ANP32E: variants seen among roughly 807,000 people sequenced by gnomAD.
ANP32E encodes the protein acidic leucine-rich nuclear phosphoprotein 32 family member E.
ANP32E carries 14 observed loss-of-function variants against 35.3 expected under a neutral mutation model. The ratio of observed to expected loss-of-function variants is 0.40; its 90% CI spans 0.26 to 0.62. The LOEUF (loss-of-function observed/expected upper bound fraction) is 0.62. Ranked by LOEUF, ANP32E falls within the 20% of genes least tolerant of loss-of-function variation. The probability of loss-of-function intolerance (pLI) is 0.45; values close to 1 mark genes in which losing one functional copy is unlikely to be tolerated. For missense variants in ANP32E, 198 were observed against 304.4 expected (o/e 0.65, Z 2.60); for synonymous variants, 89 against 110.4 (o/e 0.81, Z 1.22).
At chr1:150,229,651 T>A (rs1489975923) in intron 3 of ANP32E, among the ~76,000 whole-genome samples, 1 of 152,248 alleles carries the variant, frequency 6.6e-6, no homozygotes, top group Non-Finnish European at 1.5e-5. Flanking sequence ...GCTAATTTTG[T>A]ATTTTTATTA....
At chr1:150,233,394 G>C (rs1183603022) in intron 1 of ANP32E, among the ~76,000 whole-genome samples, 1 of 151,038 alleles carries the variant, frequency 6.6e-6, no homozygotes, top group Non-Finnish European at 1.5e-5. Flanking sequence ...CCTTTATGAA[G>C]AAACGTTAGA....
At position 150,231,795 on chromosome 1, in the gene ANP32E, G is replaced by C. The variant is rs782233085; in HGVS notation, c.186C>G (p.Ser62Arg). The change falls in exon 2 of 7, where the codon AGC becomes AGG. Residue 62 changes from serine to arginine, a missense_variant. Coordinates refer to ENST00000583931, the MANE Select transcript of ANP32E (RefSeq NM_030920.5). ...VELSSLARLP[S>R]LNKLRKLELS... ...AACTTACTTTTCGAAGTTTATTTAA[G>C]CTGGGAAGCCGGGCCAGCGAACTTA... The C allele has an allele frequency of 1.2e-6, 2 of 1,602,344 alleles. No individual in the cohort carries two copies. Among genetic ancestry groups the C allele is most frequent in the Non-Finnish European group, 1.7e-6 (2 of 1,177,344 alleles).
chr1:150,232,260 C>T (rs1367847683), intron 1 of ANP32E, among the ~76,000 whole-genome samples: 1 of 140,476 alleles, frequency 7.1e-6, no homozygotes, highest in Non-Finnish European at 1.5e-5. Context: ...AGGAGAATGG[C>T]GTGAACCCGG....
chr1:150,225,665 T>TAAAAAA (rs1553839622), intron 5 of ANP32E, among the ~76,000 whole-genome samples: 1 of 83,536 alleles, frequency 1.2e-5, no homozygotes, highest in Non-Finnish European at 2.1e-5. Flanking sequence ...AGTGAGACTG[T>TAAAAAA]AACAAAAAAA....
chr1:150,222,571 T>C (rs1446621220), intron 6 of ANP32E, among the ~76,000 whole-genome samples: 4 of 151,088 alleles, frequency 2.6e-5, no homozygotes, highest in African/African-American at 9.7e-5. Context: ...CTGGGCAATA[T>C]GGCGAAACCC....
Position 150,229,154 on chromosome 1 carries a change from T to G in ANP32E, c.411A>C (p.Glu137Asp), listed in dbSNP as rs1383186312. Residue 137 changes from glutamate to aspartate, a missense_variant, in exon 4 of 7, where the codon GAA becomes GAC. This residue lies in a region of ANP32E where 31 missense variants were observed against 62.6 expected (regional missense o/e 0.50). Transcript: ENST00000583931. ...CTAAGTATGTGATTTGCTGCAGTAG[T>G]TCAAAAATACTTTCTCTATAATCTT... ...NLEDYRESIF[E>D]LLQQITYLDG... The G allele has an allele frequency of 7.4e-6, 12 of 1,613,312 alleles. No individual in the cohort carries two copies. The highest frequency in any genetic ancestry group is 1.0e-5 in the Non-Finnish European group (12 of 1,179,388).
rs371680785 is a variant in ANP32E at position 150,223,812 on chromosome 1, C to A, written c.682-572G>T. 2.9e-4 allele frequency among the ~76,000 whole-genome samples: 42 copies of A among 145,986 alleles called. 1 individual carries two copies. The East Asian group carries it at 3.5e-3, about 12-fold the overall frequency. ...CCAGGCTGAAGTGCAATGGCGTGAT[C>A]TCGGCTCACCGCAAACTCCGCCTCC... On this transcript the variant is annotated intron_variant, in intron 5 of 6. Transcript: ENST00000583931.
At position 150,227,816 on chromosome 1, in the gene ANP32E, A is replaced by C. The variant is rs1266134815; in HGVS notation, c.494-1021T>G. Reference sequence around the variant, plus strand: ...CATCAAATTTCTTTTTACGATGAAGAAGTTTTCACTCAATAATAATGAGCA... The same window carrying C: ...CATCAAATTTCTTTTTACGATGAAGCAGTTTTCACTCAATAATAATGAGCA... On this transcript the variant is annotated intron_variant, in intron 4 of 6. Coordinates refer to ENST00000583931, the MANE Select transcript of ANP32E (RefSeq NM_030920.5). Among the ~76,000 whole-genome samples the C allele has an allele frequency of 2.9e-5, 3 of 104,504 alleles. 1 individual carries two copies. The highest frequency in any genetic ancestry group is 6.7e-5 in the Non-Finnish European group (3 of 44,954). The allele number at this position is 104,504 out of a possible 152,430, so 68.6% of individuals were successfully genotyped here.
In ANP32E at chr1:150,235,758, T is replaced by G; in HGVS notation, c.29A>C (p.Glu10Ala). MEMKKKINL[E>A]LRNRSPEEVT... ...CTCCTCCGGGGATCTGTTCCTTAACTCCAGGTTAATCTTCTTCTTCATCTC... is the reference window on the plus strand; with the variant it reads ...CTCCTCCGGGGATCTGTTCCTTAACGCCAGGTTAATCTTCTTCTTCATCTC... Residue 10 changes from glutamate (E) to alanine (A), a missense_variant, in exon 1 of 7, where the codon GAG becomes GCG. Around this residue, in one of 4 missense-constraint regions of ANP32E, gnomAD observed 35 missense variants for 47.6 expected, o/e 0.74. Coordinates refer to ENST00000583931, the MANE Select transcript of ANP32E (RefSeq NM_030920.5). This position sits in a 1 kb window ranked among gnomAD's most constrained non-coding sequence, Gnocchi z 4.2. 6.2e-7 allele frequency: 1 copy of G among 1,610,678 alleles called. No individual in the cohort carries two copies. The highest frequency in any genetic ancestry group is 8.5e-7 in the Non-Finnish European group (1 of 1,178,340).
Position 150,236,038 on chromosome 1 carries a change from GC to G in ANP32E, c.-253del. 5.7e-6 allele frequency: 3 copies of G among 528,140 alleles called. No individual in the cohort carries two copies. The South Asian group carries it at 6.3e-5, about 11-fold the overall frequency. 32.7% of individuals were successfully genotyped at this position (528,140 alleles called of 1,614,324 possible). On this transcript the variant is annotated 5_prime_UTR_variant, in exon 1 of 7. It introduces an in-frame stop codon into an upstream open reading frame of the 5' UTR. Transcript: ENST00000583931. ...AGCGCGCGCACACACACGCACGCAC[GC>G]GCGCACACACATACACACACACATA...
chr1:150,224,987 C>T (rs1648749815), intron 5 of ANP32E, among the ~76,000 whole-genome samples: 1 of 152,134 alleles, frequency 6.6e-6, no homozygotes, highest in Non-Finnish European at 1.5e-5. Flanking sequence ...TTAAGGAGCT[C>T]ACCACTTAGC....
At chr1:150,230,116 C>T (rs1053625228) in intron 3 of ANP32E, among the ~76,000 whole-genome samples, 4 of 152,048 alleles carry the variant, frequency 2.6e-5, no homozygotes, top group Admixed American at 6.6e-5. Context: ...TGGACTCAAG[C>T]GATCCTCCCA....
chr1:150,231,672 TAAA>T, intron 2 of ANP32E, 102 bp downstream of exon 2: 1 of 1,056,238 alleles, frequency 9.5e-7, no homozygotes, highest in Non-Finnish European at 1.2e-6. Context: ...TCTAGAAACT[TAAA>T]AACTTCTAAT....
chr1:150,222,353 A>G (rs1553838371), intron 6 of ANP32E, among the ~76,000 whole-genome samples: 1 of 151,526 alleles, frequency 6.6e-6, no homozygotes, highest in East Asian at 1.9e-4. Flanking sequence ...CGGGAGGCAG[A>G]GCTTGCAGTG....
chr1:150,218,433 T>A lies in ANP32E; in HGVS notation c.*2258A>T, dbSNP rs781994513. 3.3e-5 allele frequency: 5 copies of A among 152,414 alleles called. No individual in the cohort carries two copies. The highest frequency in any genetic ancestry group is 7.4e-5 in the Non-Finnish European group (5 of 68,024). The allele number at this position is 152,414 out of a possible 1,614,324, so 9.4% of individuals were successfully genotyped here. ...CACTGAAACTAATCATTATAACAAA[T>A]CTTCAATTTATTTGAAGCAATTCAG... On this transcript the variant is annotated 3_prime_UTR_variant, in exon 7 of 7. Transcript: ENST00000583931.
intron 3 of ANP32E, among the ~76,000 whole-genome samples, chr1:150,229,876 TGCTG>T (rs1381329359): frequency 2.0e-4 from 30 of 152,328 alleles, no homozygotes; most frequent in Non-Finnish European, 4.0e-4. Context: ...CCTCCCAAAG[TGCTG>T]GGATTACAGG....
intron 3 of ANP32E, among the ~76,000 whole-genome samples, chr1:150,229,868 T>C (rs890212365): frequency 1.3e-5 from 2 of 152,242 alleles, no homozygotes; most frequent in Non-Finnish European, 1.5e-5. Context: ...CACCTCGGCC[T>C]CCCAAAGTGC....
Position 150,219,421 on chromosome 1 carries a change from A to G in ANP32E, c.*1270T>C, listed in dbSNP as rs1038220827. 5 of 152,158 alleles carry G rather than the reference A, an allele frequency of 3.3e-5. No homozygotes were observed. The highest frequency in any genetic ancestry group is 1.2e-4 in the African/African-American group (5 of 41,446). 9.4% of individuals were successfully genotyped at this position (152,158 alleles called of 1,614,324 possible). On this transcript the variant is annotated 3_prime_UTR_variant, in exon 7 of 7. Coordinates refer to ENST00000583931, the MANE Select transcript of ANP32E (RefSeq NM_030920.5). ...AAAACAAATCTTAATTTTAATGTCAATTTAGTTTCAAATACTTTTCCAGCT... is the reference window on the plus strand; with the variant it reads ...AAAACAAATCTTAATTTTAATGTCAGTTTAGTTTCAAATACTTTTCCAGCT...
At chr1:150,228,954 A>C in intron 4 of ANP32E, 118 bp downstream of exon 4, 1 of 829,472 alleles carries the variant, frequency 1.2e-6, no homozygotes, top group South Asian at 1.6e-5. Flanking sequence ...TTCTTGTCTT[A>C]CTAATATCTT....
Sources: gnomAD v4.1 joint callset for allele counts (sites outside exome capture counted in the v4.1 genomes callset) on GRCh38, gnomAD v4.1.1 for gene constraint, gnomAD v4.1.1 regional missense constraint, Gnocchi (gnomAD v3.1) non-coding constraint, MANE v1.5 for transcripts, NCBI Gene and HGNC (gene_info 2026-07-23, HGNC 2026-07-21) for gene names.